MAML3: variants seen among roughly 807,000 people sequenced by gnomAD.
MAML3 encodes the protein mastermind like transcriptional coactivator 3, also known as mastermind-like protein 3.
A neutral mutation model predicts 101.9 loss-of-function variants in MAML3; 27 were observed. The observed-to-expected ratio is 0.27, with a 90% CI of 0.20 to 0.37. The LOEUF (loss-of-function observed/expected upper bound fraction) is 0.37. MAML3 is among the 10% of genes least tolerant of loss of function. MAML3 has a pLI of 1.00. For synonymous variants in MAML3, 501 were observed against 555.9 expected (o/e 0.90, Z 1.39); for missense variants, 1,316 against 1,444.9 (o/e 0.91, Z 1.45).
intron 2 of MAML3, among the ~76,000 whole-genome samples, chr4:139,736,222 A>G (rs1167355735): frequency 1.3e-5 from 2 of 152,220 alleles, no homozygotes; most frequent in Non-Finnish European, 2.9e-5. Context: ...GAAATTGTAT[A>G]TATCAAAAGA....
At chr4:139,756,182 T>G in intron 2 of MAML3, among the ~76,000 whole-genome samples, 1 of 152,218 alleles carries the variant, frequency 6.6e-6, no homozygotes, top group East Asian at 1.9e-4. Context: ...CTTTGAACCT[T>G]CTAATCCCAA....
At chr4:139,955,933 C>T (rs555607401) in intron 1 of MAML3, among the ~76,000 whole-genome samples, 7 of 152,310 alleles carry the variant, frequency 4.6e-5, no homozygotes, top group African/African-American at 1.7e-4. Flanking sequence ...CCACTCTTCC[C>T]CTACGAACGT....
Position 139,732,342 on chromosome 4 carries a change from G to A in MAML3, c.2080-1675C>T, listed in dbSNP as rs112888928. Among the ~76,000 whole-genome samples, 283 of 152,164 alleles carry A rather than the reference G, an allele frequency of 1.9e-3. 1 individual carries two copies. The highest frequency in any genetic ancestry group is 6.5e-3 in the African/African-American group (270 of 41,502). The stretch of plus-strand genomic sequence containing the variant: ...TCCTCCCTTCCTTCTGTGGTGTGCT[G>A]TAGAACCATGCAGGCTTCCCTCTCC... On this transcript the variant is annotated intron_variant, in intron 2 of 4. Coordinates refer to ENST00000509479, the MANE Select transcript of MAML3 (RefSeq NM_018717.5).
intron 1 of MAML3, among the ~76,000 whole-genome samples, chr4:139,990,928 C>T (rs1363169256): frequency 1.3e-5 from 2 of 152,184 alleles, no homozygotes; most frequent in Admixed American, 6.5e-5. Context: ...AAGAACATTC[C>T]ATGCTCATGG....
rs561536639 is a variant in MAML3, at chr4:140,142,221, A to T, written c.468+10639T>A. On this transcript the variant is annotated intron_variant, in intron 1 of 4. Coordinates refer to ENST00000509479, the MANE Select transcript of MAML3 (RefSeq NM_018717.5). The stretch of plus-strand genomic sequence containing the variant: ...TAATATGATTCCATTTATGTAGAAA[A>T]AATGAATATGTGATTATGTACAATA... 5.9e-5 allele frequency among the ~76,000 whole-genome samples: 9 copies of T among 152,330 alleles called. No individual in the cohort carries two copies. The South Asian group carries it at 1.9e-3, about 32-fold the overall frequency.
At chr4:140,137,211 A>G (rs1247150253) in intron 1 of MAML3, among the ~76,000 whole-genome samples, 2 of 151,746 alleles carry the variant, frequency 1.3e-5, no homozygotes, top group East Asian at 3.9e-4. Flanking sequence ...GATGGTCTCG[A>G]TCTCCTGACC....
intron 2 of MAML3, among the ~76,000 whole-genome samples, chr4:139,762,321 C>A (rs776434310): frequency 6.6e-6 from 1 of 152,134 alleles, no homozygotes; most frequent in African/African-American, 2.4e-5. Context: ...TTTTGTGAGG[C>A]TTCCTAAGGT....
At chr4:139,805,079 T>TG (rs1247920040) in intron 2 of MAML3, among the ~76,000 whole-genome samples, 3 of 152,158 alleles carry the variant, frequency 2.0e-5, no homozygotes, top group Non-Finnish European at 4.4e-5. Context: ...TTCAGGAGGC[T>TG]GAGGCAGGAG....
At chr4:139,729,579 G>A (rs1728619686) in intron 3 of MAML3, among the ~76,000 whole-genome samples, 1 of 152,210 alleles carries the variant, frequency 6.6e-6, no homozygotes, top group South Asian at 2.1e-4. Flanking sequence ...CTATAAGAAA[G>A]AGCCTGCTGT....
chr4:140,076,648 G>GCT (rs1194604252), intron 1 of MAML3, among the ~76,000 whole-genome samples: 1 of 152,148 alleles, frequency 6.6e-6, no homozygotes, highest in African/African-American at 2.4e-5. Flanking sequence ...CTGATTCTGA[G>GCT]CTAGTATTTG....
intron 3 of MAML3, among the ~76,000 whole-genome samples, chr4:139,729,565 C>T (rs1728618924): frequency 6.6e-6 from 1 of 152,208 alleles, no homozygotes; most frequent in African/African-American, 2.4e-5. Flanking sequence ...CAACCTCACA[C>T]CTCCTATAAG....
chr4:140,015,392 T>C (rs1175779293), intron 1 of MAML3, among the ~76,000 whole-genome samples: 1 of 152,214 alleles, frequency 6.6e-6, no homozygotes, highest in Non-Finnish European at 1.5e-5. Context: ...CTATAATTTC[T>C]TAAGGTAAAA....
chr4:139,976,516 A>T (rs1392071353), intron 1 of MAML3, among the ~76,000 whole-genome samples: 1 of 152,246 alleles, frequency 6.6e-6, no homozygotes, highest in Non-Finnish European at 1.5e-5. Context: ...GTACATTAAC[A>T]TCCAGTCATC....
chr4:140,085,301 A>AGCTGGT (rs1244369617), intron 1 of MAML3, among the ~76,000 whole-genome samples: 1 of 152,158 alleles, frequency 6.6e-6, no homozygotes, highest in East Asian at 1.9e-4. Flanking sequence ...GCAGTCATAG[A>AGCTGGT]GCTGGTCTAA....
chr4:140,051,009 C>A (rs552754111), intron 1 of MAML3, among the ~76,000 whole-genome samples: 1 of 152,272 alleles, frequency 6.6e-6, no homozygotes, highest in South Asian at 2.1e-4. Context: ...TTAATCCATC[C>A]CTTCTACTCT....
intron 1 of MAML3, among the ~76,000 whole-genome samples, chr4:140,098,598 C>A (rs115935910): frequency 6.6e-6 from 1 of 152,182 alleles, no homozygotes; most frequent in Non-Finnish European, 1.5e-5. Context: ...ACCAACTGGA[C>A]GCAGTACCAA....
At chr4:139,968,898 C>T (rs937184607) in intron 1 of MAML3, among the ~76,000 whole-genome samples, 1 of 152,070 alleles carries the variant, frequency 6.6e-6, no homozygotes, top group Non-Finnish European at 1.5e-5. Flanking sequence ...CCAGCATTTT[C>T]CAGTCCCAGG....
chr4:139,868,315 T>C (rs1008823170), intron 2 of MAML3, among the ~76,000 whole-genome samples: 1 of 152,192 alleles, frequency 6.6e-6, no homozygotes, highest in African/African-American at 2.4e-5. Context: ...TGATATTGGA[T>C]ATATATGGAA....
chr4:139,952,833 A>C lies in MAML3; in HGVS notation c.469-61866T>G, dbSNP rs116263268. Among the ~76,000 whole-genome samples, 1,043 of 152,306 alleles carry C rather than the reference A, an allele frequency of 6.8e-3. 10 individuals carry two copies. Among genetic ancestry groups the C allele is most frequent in the African/African-American group, 0.024 (991 of 41,558 alleles). ...GCACATTAAAGTCAGGACTCCCCCA[A>C]ATCCCCTAGGCTATCTCTTTTCTCA... On this transcript the variant is annotated intron_variant, in intron 1 of 4. Coordinates refer to ENST00000509479, the MANE Select transcript of MAML3 (RefSeq NM_018717.5).
Sources: gnomAD v4.1 joint callset for allele counts (sites outside exome capture counted in the v4.1 genomes callset) on GRCh38, gnomAD v4.1.1 for gene constraint, MANE v1.5 for transcripts, NCBI Gene and HGNC (gene_info 2026-07-23, HGNC 2026-07-21) for gene names.